MBP: variants seen among roughly 807,000 people sequenced by gnomAD.
MBP encodes the protein myelin basic protein, also known as Golli-MBP.
Under a neutral mutation model 35.8 loss-of-function variants are expected in MBP, and 16 were observed. That is an observed-to-expected ratio of 0.45 (90% CI 0.30 to 0.68). MBP has a LOEUF of 0.68. Ranked by LOEUF, MBP falls within the 30% of genes least tolerant of loss-of-function variation. The pLI, the probability that MBP is intolerant of heterozygous loss-of-function variation, is 0.08. For synonymous variants in MBP, 143 were observed against 159.6 expected (o/e 0.90, Z 0.78); for missense variants, 380 against 404.7 (o/e 0.94, Z 0.52).
chr18:77,097,383 A>G (rs1000878871), intron 2 of MBP: 2 of 152,226 alleles, frequency 1.3e-5, no homozygotes, highest in Admixed American at 6.5e-5. Flanking sequence ...CCTCTCAGCT[A>G]TCAGTCACCT....
intron 4 of MBP, among the ~76,000 whole-genome samples, chr18:77,000,490 A>C (rs924611821): frequency 6.6e-6 from 1 of 152,386 alleles, no homozygotes; most frequent in East Asian, 1.9e-4. Flanking sequence ...AACTTGCTGA[A>C]AAGTTTTTAA....
chr18:77,033,646 C>T (rs1423619285), intron 3 of MBP, among the ~76,000 whole-genome samples: 1 of 151,800 alleles, frequency 6.6e-6, no homozygotes, highest in East Asian at 1.9e-4. Flanking sequence ...TATTCGTCCA[C>T]CCATCTACCC....
intron 1 of MBP, among the ~76,000 whole-genome samples, chr18:77,118,124 T>G (rs1326008329): frequency 4.1e-5 from 1 of 24,486 alleles, no homozygotes; most frequent in Admixed American, 3.7e-4. Context: ...GGACAGTGGG[T>G]TGGGGTGGGA....
At chr18:76,982,773 G>C (rs1969282379) in intron 8 of MBP, 1 of 152,208 alleles carries the variant, frequency 6.6e-6, no homozygotes, top group African/African-American at 2.4e-5. Context: ...AGTGCTCCAA[G>C]TCAACTAATT....
intron 1 of MBP, among the ~76,000 whole-genome samples, chr18:77,121,999 A>G (rs902048083): frequency 6.6e-6 from 1 of 152,248 alleles, no homozygotes; most frequent in Non-Finnish European, 1.5e-5. Flanking sequence ...TTTTCAGGCA[A>G]CAATTTAAGC....
intron 1 of MBP, among the ~76,000 whole-genome samples, chr18:77,106,191 G>A (rs770210074): frequency 1.5e-4 from 23 of 152,222 alleles, no homozygotes; most frequent in Non-Finnish European, 2.5e-4. Context: ...GAGGGAACAA[G>A]ATGAACTGTC....
chr18:77,130,132 T>G (rs1055079908), intron 1 of MBP, among the ~76,000 whole-genome samples: 1 of 151,914 alleles, frequency 6.6e-6, no homozygotes, highest in South Asian at 2.1e-4. Context: ...AAGGAGAAGA[T>G]GATGAACAAA....
chr18:77,127,924 C>T (rs560889039), intron 1 of MBP: 1 of 152,182 alleles, frequency 6.6e-6, no homozygotes, highest in East Asian at 1.9e-4. Flanking sequence ...GAATCACTCA[C>T]ACACCGCCGG....
chr18:76,986,562 T>C (rs1489697993), intron 7 of MBP: 1 of 985,528 alleles, frequency 1.0e-6, no homozygotes, highest in African/African-American at 1.7e-5. Context: ...GTGTGAACAG[T>C]TGATTCGGGG....
intron 3 of MBP, among the ~76,000 whole-genome samples, chr18:77,024,691 C>T (rs563039072): frequency 2.2e-3 from 335 of 152,332 alleles, no homozygotes; most frequent in African/African-American, 7.3e-3. Context: ...CTGCAGTCGC[C>T]AGGGTGGGGC....
At chr18:77,123,313 T>G (rs1250045615) in intron 1 of MBP, among the ~76,000 whole-genome samples, 1 of 152,234 alleles carries the variant, frequency 6.6e-6, no homozygotes, top group Non-Finnish European at 1.5e-5. Flanking sequence ...TGTTATTCTC[T>G]AAATATGGAA....
chr18:76,991,123 A>G (rs924862346), intron 4 of MBP, among the ~76,000 whole-genome samples: 2 of 152,234 alleles, frequency 1.3e-5, no homozygotes, highest in Admixed American at 6.5e-5. Context: ...ACGCGGCTGC[A>G]TAACATGAGC....
rs144548670 is a variant in MBP, at chr18:76,996,660, C to T, written c.577-6600G>A. ...GTGTGGTCTTATTTATATGACATGC[C>T]GGAAAAGGCTGACCTATATTGGGGG... is the stretch of plus-strand genomic sequence containing the variant. On this transcript the variant is annotated intron_variant, in intron 4 of 8. Transcript: ENST00000355994. Among the ~76,000 whole-genome samples, 398 of 151,150 alleles carry T rather than the reference C, an allele frequency of 2.6e-3. 1 individual carries two copies. The highest frequency in any genetic ancestry group is 4.0e-3 in the Non-Finnish European group (270 of 67,882).
intron 4 of MBP, among the ~76,000 whole-genome samples, chr18:76,994,147 C>T (rs1034740649): frequency 2.0e-5 from 3 of 152,232 alleles, no homozygotes; most frequent in Non-Finnish European, 4.4e-5. Flanking sequence ...ACTCTTTAAA[C>T]TGTAAGACGT....
Position 76,989,797 on chromosome 18 carries a change from G to T in MBP, c.681+159C>A, listed in dbSNP as rs574714612. 21 of 629,158 alleles carry T rather than the reference G, an allele frequency of 3.3e-5. No individual in the cohort carries two copies. The highest frequency in any genetic ancestry group is 3.1e-4 in the African/African-American group (17 of 54,512). 39.0% of individuals were successfully genotyped at this position (629,158 alleles called of 1,614,324 possible). A position where few individuals can be genotyped will look rare whatever the true frequency, so the allele number is the denominator to read the frequency against. On this transcript the variant is annotated intron_variant, in intron 5 of 8. Transcript: ENST00000355994. The surrounding 1 kb of genome is among the most constrained non-coding windows in gnomAD (Gnocchi z 4.0). ...GTCGGGAAGCGCTTGCCTGGAACTC[G>T]CGATCAGGTGCGAGGGGGGAGTTCC...
intron 3 of MBP, among the ~76,000 whole-genome samples, chr18:77,046,868 T>G (rs1387024623): frequency 1.3e-5 from 2 of 152,196 alleles, no homozygotes; most frequent in African/African-American, 4.8e-5. Flanking sequence ...ATAACTGGAC[T>G]CTCAGGTTTC....
intron 3 of MBP, among the ~76,000 whole-genome samples, chr18:77,021,169 G>A (rs1214511020): frequency 2.0e-5 from 3 of 152,132 alleles, no homozygotes; most frequent in Admixed American, 6.5e-5. Flanking sequence ...AAGATTCTAC[G>A]TCTCTTGGCA....
intron 3 of MBP, among the ~76,000 whole-genome samples, chr18:77,050,687 T>C (rs1973452990): frequency 1.3e-5 from 2 of 152,184 alleles, no homozygotes. Flanking sequence ...GCTGGAATTA[T>C]AGGACGTGCC....
At chr18:76,984,612 G>C in intron 8 of MBP, 163 bp downstream of exon 8, 1 of 857,646 alleles carries the variant, frequency 1.2e-6, no homozygotes, top group Non-Finnish European at 1.8e-6. Context: ...GTAAATGCGG[G>C]TGGGCAATGC....
Sources: gnomAD v4.1 joint callset for allele counts (sites outside exome capture counted in the v4.1 genomes callset) on GRCh38, gnomAD v4.1.1 for gene constraint, Gnocchi (gnomAD v3.1) non-coding constraint, MANE v1.5 for transcripts, NCBI Gene and HGNC (gene_info 2026-07-23, HGNC 2026-07-21) for gene names.